Variants in BMP5 observed in about 807,000 individuals in gnomAD.
The protein encoded by BMP5 is bone morphogenetic protein 5.
A neutral mutation model predicts 46.6 loss-of-function variants in BMP5; 23 were observed. The observed-to-expected ratio is 0.49, with a 90% CI of 0.35 to 0.70. The LOEUF (loss-of-function observed/expected upper bound fraction) is 0.70. BMP5 is among the 30% of genes least tolerant of loss of function. The pLI, the probability that BMP5 is intolerant of heterozygous loss-of-function variation, is 0.00. For missense variants in BMP5, 545 were observed against 565.6 expected (o/e 0.96, Z 0.37); for synonymous variants, 204 against 191.9 (o/e 1.06, Z -0.52).
At chr6:55,855,489 T>G (rs1054134045) in intron 1 of BMP5, among the ~76,000 whole-genome samples, 2 of 152,144 alleles carry the variant, frequency 1.3e-5, no homozygotes, top group African/African-American at 2.4e-5. Flanking sequence ...GTTATTTCTC[T>G]TTTTATTTGT....
chr6:55,797,852 G>A (rs1043950535), intron 2 of BMP5, among the ~76,000 whole-genome samples: 2 of 152,120 alleles, frequency 1.3e-5, no homozygotes, highest in East Asian at 1.9e-4. Flanking sequence ...TCCTGACCTC[G>A]TCATCCACCC....
intron 4 of BMP5, among the ~76,000 whole-genome samples, chr6:55,765,990 C>A (rs1011841401): frequency 2.1e-4 from 32 of 152,272 alleles, no homozygotes; most frequent in African/African-American, 7.5e-4. Context: ...ACCTCACACT[C>A]AATGTTCACT....
At chr6:55,803,795 A>G (rs1037902866) in intron 2 of BMP5, among the ~76,000 whole-genome samples, 9 of 152,178 alleles carry the variant, frequency 5.9e-5, no homozygotes, top group Admixed American at 6.5e-5. Context: ...CACGCACATC[A>G]TTAAAGTTGG....
chr6:55,847,930 C>T lies in BMP5; in HGVS notation c.490+26446G>A, dbSNP rs1001516543. The stretch of plus-strand genomic sequence containing the variant: ...TAGATCACCAATATTGTTAAGGATG[C>T]TTTTAACTCTACTTCAATTAATTTT... On this transcript the variant is annotated intron_variant, in intron 1 of 6. Coordinates refer to ENST00000370830, the MANE Select transcript of BMP5 (RefSeq NM_021073.4). Among the ~76,000 whole-genome samples, 5 of 151,916 alleles carry T rather than the reference C, an allele frequency of 3.3e-5. No homozygotes were observed. In the East Asian group the frequency reaches 5.8e-4, roughly 18 times the overall value.
intron 1 of BMP5, among the ~76,000 whole-genome samples, chr6:55,871,693 T>C (rs781326990): frequency 6.6e-6 from 1 of 151,820 alleles, no homozygotes; most frequent in Non-Finnish European, 1.5e-5. Context: ...AAAGAATTTC[T>C]GAATGGCAAG....
At chr6:55,815,133 C>CAA (rs35015007) in intron 2 of BMP5, among the ~76,000 whole-genome samples, 1,783 of 77,698 alleles carry the variant, frequency 0.023, 86 homozygotes, top group African/African-American at 0.065. Flanking sequence ...AACTCCATCT[C>CAA]AAAAAAAAAA....
intron 2 of BMP5, among the ~76,000 whole-genome samples, chr6:55,797,481 T>C (rs180676622): frequency 3.3e-5 from 5 of 152,258 alleles, no homozygotes; most frequent in Non-Finnish European, 1.5e-5. Flanking sequence ...CAAAAATAAT[T>C]CCATAAATCC....
At chr6:55,845,839 C>T (rs1777085045) in intron 1 of BMP5, among the ~76,000 whole-genome samples, 1 of 151,942 alleles carries the variant, frequency 6.6e-6, no homozygotes. Context: ...TTCTTAACTC[C>T]TTATTCCCAT....
At chr6:55,777,843 G>T (rs1376105238) in intron 3 of BMP5, among the ~76,000 whole-genome samples, 1 of 151,156 alleles carries the variant, frequency 6.6e-6, no homozygotes, top group Non-Finnish European at 1.5e-5. Context: ...TTTACCCAAA[G>T]TCTCTAAAAT....
At chr6:55,817,230 C>T (rs561131358) in intron 2 of BMP5, among the ~76,000 whole-genome samples, 1 of 152,270 alleles carries the variant, frequency 6.6e-6, no homozygotes, top group South Asian at 2.1e-4. Flanking sequence ...TACCATTTGA[C>T]CCAGCCATCC....
intron 3 of BMP5, among the ~76,000 whole-genome samples, chr6:55,776,114 T>C (rs868611528): frequency 1.3e-5 from 2 of 151,994 alleles, no homozygotes; most frequent in African/African-American, 4.8e-5. Flanking sequence ...CAAATAAGCA[T>C]ATAGATTTCT....
chr6:55,768,343 C>T (rs758300853), intron 4 of BMP5, among the ~76,000 whole-genome samples: 1 of 151,918 alleles, frequency 6.6e-6, no homozygotes, highest in Non-Finnish European at 1.5e-5. Flanking sequence ...AAGCAATACA[C>T]ATTCAGTAGA....
chr6:55,811,796 C>T (rs1217009371), intron 2 of BMP5, among the ~76,000 whole-genome samples: 4 of 152,126 alleles, frequency 2.6e-5, no homozygotes, highest in Non-Finnish European at 4.4e-5. Context: ...GTGAACTCCT[C>T]TCAGAGGCTT....
At chr6:55,837,297 A>G (rs934864519) in intron 1 of BMP5, among the ~76,000 whole-genome samples, 1 of 151,984 alleles carries the variant, frequency 6.6e-6, no homozygotes, top group Non-Finnish European at 1.5e-5. Flanking sequence ...AAAACAGTGA[A>G]AGAAAAAAAT....
chr6:55,773,537 C>G (rs919563947), intron 4 of BMP5, among the ~76,000 whole-genome samples: 1 of 38,748 alleles, frequency 2.6e-5, no homozygotes, highest in Non-Finnish European at 4.7e-5. Context: ...GTAGACACAC[C>G]TGAAGAAAAT....
At chr6:55,871,919 G>A (rs1158954492) in intron 1 of BMP5, among the ~76,000 whole-genome samples, 3 of 151,706 alleles carry the variant, frequency 2.0e-5, no homozygotes, top group Non-Finnish European at 4.4e-5. Context: ...CTATATGCAT[G>A]TCTTTTAAGA....
chr6:55,782,784 G>A (rs1775355970), intron 3 of BMP5, among the ~76,000 whole-genome samples: 1 of 152,106 alleles, frequency 6.6e-6, no homozygotes, highest in African/African-American at 2.4e-5. Context: ...AGCAACAGCT[G>A]CCATGTACTG....
chr6:55,775,671 T>C (rs1487688191), intron 3 of BMP5, among the ~76,000 whole-genome samples: 2 of 151,806 alleles, frequency 1.3e-5, no homozygotes, highest in African/African-American at 4.8e-5. Flanking sequence ...GCAACCTCAG[T>C]CCATTATAAA....
intron 1 of BMP5, among the ~76,000 whole-genome samples, chr6:55,840,109 C>T (rs1415765958): frequency 3.3e-5 from 5 of 151,880 alleles, no homozygotes; most frequent in Admixed American, 1.3e-4. Context: ...ATCTTAAACA[C>T]GTTTTGTTAA....
Sources: allele counts gnomAD v4.1 joint callset (sites outside exome capture counted in the v4.1 genomes callset), GRCh38; gene constraint gnomAD v4.1.1; transcripts MANE v1.5; gene names NCBI Gene and HGNC (gene_info 2026-07-23, HGNC 2026-07-21).